SYCE1L: variants seen among roughly 807,000 people sequenced by gnomAD.
SYCE1L encodes synaptonemal complex central element protein 1-like.
Under a neutral mutation model 39.6 loss-of-function variants are expected in SYCE1L, and 51 were observed. The observed-to-expected ratio is 1.29, with a 90% CI of 1.03 to 1.63. The LOEUF is 1.63. Among genes scored for constraint, SYCE1L ranks in the 40% most tolerant of loss-of-function variants. The pLI is 0.00. For missense variants in SYCE1L, 426 were observed against 304.9 expected (o/e 1.40, Z -2.96); for synonymous variants, 147 against 122.4 (o/e 1.20, Z -1.33).
intron 4 of SYCE1L, 45 bp downstream of exon 4, chr16:77,208,584 C>A: frequency 6.5e-7 from 1 of 1,536,858 alleles, no homozygotes; most frequent in Non-Finnish European, 8.8e-7. Context: ...GCAGATGTTC[C>A]TGTGCATACC....
chr16:77,207,564 A>T (rs2054793985), intron 2 of SYCE1L, among the ~76,000 whole-genome samples: 1 of 152,090 alleles, frequency 6.6e-6, no homozygotes, highest in African/African-American at 2.4e-5. Context: ...CAGAGTGACA[A>T]CCCTTCCTGC....
At chr16:77,202,784 A>C (rs1294579511) in intron 1 of SYCE1L, among the ~76,000 whole-genome samples, 1 of 151,902 alleles carries the variant, frequency 6.6e-6, no homozygotes, top group Non-Finnish European at 1.5e-5. Flanking sequence ...AAATAATTCA[A>C]CCCAGGAAAA....
intron 1 of SYCE1L, chr16:77,201,105 G>C (rs188171394): frequency 2.0e-5 from 3 of 152,064 alleles, no homozygotes; most frequent in African/African-American, 7.2e-5. Context: ...TTTACCTCTC[G>C]CTCCCCTGCA....
intron 7 of SYCE1L, among the ~76,000 whole-genome samples, chr16:77,211,494 C>A (rs993973964): frequency 6.6e-6 from 1 of 152,182 alleles, no homozygotes; most frequent in African/African-American, 2.4e-5. Context: ...CCTGCCCAGA[C>A]GGGTGCAGTA....
intron 1 of SYCE1L, among the ~76,000 whole-genome samples, chr16:77,205,423 C>T (rs543790667): frequency 1.2e-5 from 1 of 86,172 alleles, no homozygotes; most frequent in Admixed American, 1.1e-4. Flanking sequence ...TTAAAATATA[C>T]ATAGAAGTAA....
chr16:77,211,375 C>T (rs935047119), intron 7 of SYCE1L, 99 bp downstream of exon 7: 46 of 1,365,560 alleles, frequency 3.4e-5, no homozygotes, highest in East Asian at 5.0e-5. Flanking sequence ...CTCAATGCCG[C>T]GGGATAGTCC....
At chr16:77,211,577 A>G (rs2142520864) in intron 7 of SYCE1L, among the ~76,000 whole-genome samples, 1 of 152,248 alleles carries the variant, frequency 6.6e-6, no homozygotes, top group Admixed American at 6.5e-5. Flanking sequence ...CAGCCCAGGG[A>G]AAGCCATGGT....
At chr16:77,206,337 C>T in intron 1 of SYCE1L, 104 bp from the exon 2 acceptor site, 3 of 981,902 alleles carry the variant, frequency 3.1e-6, no homozygotes, top group Non-Finnish European at 4.6e-6. Flanking sequence ...CATCCTTAGC[C>T]CCAGCCCACG....
chr16:77,212,011 GT>G, intron 7 of SYCE1L, 118 bp from the exon 8 acceptor site: 1 of 1,155,868 alleles, frequency 8.7e-7, no homozygotes, highest in Non-Finnish European at 1.2e-6. Flanking sequence ...TTAATAAATA[GT>G]TGAATGAATG....
Position 77,209,206 on chromosome 16 carries a change from C to T in SYCE1L, c.304+62C>T, listed in dbSNP as rs1471260069. 6 of 1,518,634 alleles carry T rather than the reference C, an allele frequency of 4.0e-6. No homozygotes were observed. In the African/African-American group the frequency reaches 4.1e-5, roughly 10 times the overall value. 94.1% of individuals were successfully genotyped at this position (1,518,634 alleles called of 1,614,324 possible). A position where few individuals can be genotyped will look rare whatever the true frequency, so the allele number is the denominator to read the frequency against. ...TTCCACCCCACAAAAGTCTATGCTC[C>T]TCAGAGCAGCCAGAGGAATCCCACT... On this transcript the variant is annotated intron_variant, in intron 5 of 10. Coordinates refer to ENST00000378644, the MANE Select transcript of SYCE1L (RefSeq NM_001129979.3).
intron 1 of SYCE1L, chr16:77,200,270 A>ATG (rs67856642): frequency 0.014 from 1,318 of 94,692 alleles, 46 homozygotes; most frequent in African/African-American, 0.043. Flanking sequence ...ATATATATAT[A>ATG]TGTGTATATA....
At chr16:77,210,860 G>A (rs1023427350) in intron 6 of SYCE1L, among the ~76,000 whole-genome samples, 1 of 152,208 alleles carries the variant, frequency 6.6e-6, no homozygotes, top group Non-Finnish European at 1.5e-5. Context: ...GGGTCATTCA[G>A]AGAATATGAC....
In SYCE1L at chr16:77,212,994, T is replaced by G; in HGVS notation, c.*63T>G. ...ACCCGCCAAGAAATAAAGGCGATGA[T>G]TTCCGACCATGCTCGCGTTCTCCGC... is the stretch of plus-strand genomic sequence containing the variant. On this transcript the variant is annotated 3_prime_UTR_variant, in exon 11 of 11. Coordinates refer to ENST00000378644, the MANE Select transcript of SYCE1L (RefSeq NM_001129979.3). 1 of 1,409,514 alleles carries G rather than the reference T, an allele frequency of 7.1e-7. No homozygotes were observed. The highest frequency in any genetic ancestry group is 2.7e-5 in the East Asian group (1 of 37,150). 87.3% of individuals were successfully genotyped at this position (1,409,514 alleles called of 1,614,324 possible).
intron 2 of SYCE1L, 140 bp from the exon 3 acceptor site, chr16:77,208,070 C>G: frequency 1.2e-6 from 1 of 811,126 alleles, no homozygotes; most frequent in South Asian, 2.0e-5. Context: ...CTTCAAGGGG[C>G]TCTGGCAGAG....
intron 1 of SYCE1L, among the ~76,000 whole-genome samples, chr16:77,202,891 C>A (rs1052736008): frequency 6.6e-5 from 10 of 152,164 alleles, no homozygotes; most frequent in Non-Finnish European, 1.5e-4. Context: ...CTCTCATGTG[C>A]ATTTGAAAAT....
chr16:77,203,223 C>T (rs575996351), intron 1 of SYCE1L, among the ~76,000 whole-genome samples: 1 of 152,224 alleles, frequency 6.6e-6, no homozygotes, highest in African/African-American at 2.4e-5. Flanking sequence ...GTGTTGTCAC[C>T]GAACTGCTGG....
At position 77,209,398 on chromosome 16, in the gene SYCE1L, C is replaced by T. The variant is rs1297658228; in HGVS notation, c.305-19C>T. 1 of 1,551,644 alleles carries T rather than the reference C, an allele frequency of 6.4e-7. No homozygotes were observed. ...TCCCCAAGAGCTCTCAAAGGGTCCC[C>T]TTGGTTCCTTCCCCACAGAGGCACT... On this transcript the variant is annotated intron_variant, in intron 5 of 10. Transcript: ENST00000378644.
intron 1 of SYCE1L, among the ~76,000 whole-genome samples, chr16:77,206,136 A>T (rs1006440215): frequency 1.2e-4 from 18 of 152,154 alleles, no homozygotes; most frequent in Non-Finnish European, 1.5e-5. Context: ...ATGATCTTGA[A>T]CAGCAGCATC....
chr16:77,212,917 C>G lies in SYCE1L; in HGVS notation c.715C>G (p.Pro239Ala), dbSNP rs1314576511. ...GGATCCCGAGCCGCCGGTGGCTGCC[C>G]CTGACGCCCTCTAGGCCAGCAGGAC... Reference protein sequence around the residue: ...EEDPEPPVAAPDAL With the variant: ...EEDPEPPVAAADAL The change falls in exon 11 of 11, where the codon CCT becomes GCT. Residue 239 changes from proline to alanine, a missense_variant. Physicochemically the swap from Pro to Ala is conservative, Grantham distance 27. Coordinates refer to ENST00000378644, the MANE Select transcript of SYCE1L (RefSeq NM_001129979.3). 8.5e-6 allele frequency: 13 copies of G among 1,530,398 alleles called. No individual in the cohort carries two copies. The highest frequency in any genetic ancestry group is 3.5e-6 in the Non-Finnish European group (4 of 1,140,232). 94.8% of individuals were successfully genotyped at this position (1,530,398 alleles called of 1,614,324 possible). A position where few individuals can be genotyped will look rare whatever the true frequency, so the allele number is the denominator to read the frequency against.
Sources: gnomAD v4.1 joint callset for allele counts (sites outside exome capture counted in the v4.1 genomes callset) on GRCh38, gnomAD v4.1.1 for gene constraint, MANE v1.5 for transcripts, NCBI Gene and HGNC (gene_info 2026-07-23, HGNC 2026-07-21) for gene names.